Variants in SERINC2 observed in about 807,000 individuals in gnomAD.
SERINC2 encodes tumor differentially expressed protein 2.
SERINC2 carries 56 observed loss-of-function variants against 54.2 expected under a neutral mutation model. That is an observed-to-expected ratio of 1.03 (90% CI 0.83 to 1.29). The LOEUF is 1.29. Among genes scored for constraint, SERINC2 ranks in the 50% most tolerant of loss-of-function variants. The pLI is 0.00. For synonymous variants in SERINC2, 272 were observed against 253.1 expected (o/e 1.07, Z -0.71); for missense variants, 614 against 607.4 (o/e 1.01, Z -0.12).
Position 31,425,886 on chromosome 1 carries a change from G to C in SERINC2, c.583G>C (p.Glu195Gln). ...CCAGCGGTGGCTGGGCAAGGCCGAG[G>C]AGTGCGATTCCCGTGCCTGGTACGC... is the stretch of plus-strand genomic sequence containing the variant. ...WNQRWLGKAE[E>Q]CDSRAWYAGL... is the part of the protein sequence containing the mutation. Residue 195 changes from glutamate (E) to glutamine (Q), a missense_variant, in exon 5 of 10, where the codon GAG becomes CAG. Glu to Gln is a conservative substitution (Grantham distance 29). Coordinates refer to ENST00000373709, the MANE Select transcript of SERINC2 (RefSeq NM_178865.5). 1 of 1,612,776 alleles carries C rather than the reference G, an allele frequency of 6.2e-7. No individual in the cohort carries two copies. Among genetic ancestry groups the C allele is most frequent in the Non-Finnish European group, 8.5e-7 (1 of 1,179,874 alleles).
At chr1:31,410,135 A>AACCC (rs1226021250), upstream of SERINC2, 12 of 1,415,486 alleles carry the variant, frequency 8.5e-6, no homozygotes, top group Non-Finnish European at 1.1e-5. Flanking sequence ...CCTGAATTCC[A>AACCC]ACCCTCCAGT....
Position 31,434,118 on chromosome 1 carries a change from C to T in SERINC2, c.1287C>T (p.Ile429=). 1 of 1,614,034 alleles carries T rather than the reference C, an allele frequency of 6.2e-7. No homozygotes were observed. Among genetic ancestry groups the T allele is most frequent in the Non-Finnish European group, 8.5e-7 (1 of 1,179,980 alleles). Residue 429 remains isoleucine (I), a synonymous_variant, in exon 10 of 10, where the codon ATC becomes ATT. Transcript: ENST00000373709. ...CGTGGACCGCCGTGTGGGTGAAGAT[C>T]TGTGCCAGCTGGGCAGGGCTGCTCC... ...ISTWTAVWVK[I]CASWAGLLLY...
chr1:31,414,131 G>A, intron 1 of SERINC2: 1 of 1,426,922 alleles, frequency 7.0e-7, no homozygotes, highest in Middle Eastern at 2.0e-4. Flanking sequence ...GGGAGGTTCG[G>A]GTGTGCGCGG....
chr1:31,430,498 TAA>T (rs542301970), intron 8 of SERINC2, among the ~76,000 whole-genome samples: 2 of 134,964 alleles, frequency 1.5e-5, no homozygotes, highest in Non-Finnish European at 3.2e-5. Flanking sequence ...ATGGTGTCTC[TAA>T]AAAAAAAAAA....
intron 1 of SERINC2, chr1:31,414,109 A>G (rs1553131871): frequency 6.9e-7 from 1 of 1,444,026 alleles, no homozygotes; most frequent in African/African-American, 1.5e-5. Context: ...GGGTTGGGAG[A>G]GCAGGAATCG....
chr1:31,433,904 G>A (rs560132653), intron 9 of SERINC2, among the ~76,000 whole-genome samples, 160 bp from the exon 10 acceptor site: 11 of 152,248 alleles, frequency 7.2e-5, no homozygotes, highest in Middle Eastern at 3.4e-3. Flanking sequence ...CTATGTCCAC[G>A]GTCACAAGGC....
At chr1:31,431,810 TGGACAGGGTGGA>T (rs1557499877) in intron 8 of SERINC2, among the ~76,000 whole-genome samples, 32 of 145,142 alleles carry the variant, frequency 2.2e-4, no homozygotes, top group African/African-American at 5.3e-4. Context: ...GTGGACAGGG[TGGACAGGGTGGA>T]TAGGGTGGAT....
chr1:31,431,525 C>G (rs1385884425), intron 8 of SERINC2, among the ~76,000 whole-genome samples: 1 of 152,174 alleles, frequency 6.6e-6, no homozygotes, highest in African/African-American at 2.4e-5. Context: ...TTCCCTGCCC[C>G]TGGTTCTCTG....
intron 8 of SERINC2, among the ~76,000 whole-genome samples, chr1:31,431,821 G>GTT (rs1641228616): frequency 1.5e-5 from 2 of 131,374 alleles, no homozygotes; most frequent in South Asian, 2.4e-4. Context: ...GGACAGGGTG[G>GTT]ATAGGGTGGA....
At chr1:31,425,086 GAC>G (rs1553133346) in intron 3 of SERINC2, among the ~76,000 whole-genome samples, 2 of 152,224 alleles carry the variant, frequency 1.3e-5, no homozygotes, top group African/African-American at 4.8e-5. Context: ...GCACTTCAGT[GAC>G]ACAGCTGGGG....
At position 31,434,101 on chromosome 1, in the gene SERINC2, G is replaced by A. The variant is rs151124028; in HGVS notation, c.1270G>A (p.Ala424Thr). 4.5e-5 allele frequency: 72 copies of A among 1,614,016 alleles called. No individual in the cohort carries two copies. In the Middle Eastern group the frequency reaches 8.2e-4, roughly 18 times the overall value. ...ETRKMISTWT[A>T]VWVKICASWA... ...CCGGAAGATGATCAGCACGTGGACC[G>A]CCGTGTGGGTGAAGATCTGTGCCAG... Residue 424 changes from alanine (A) to threonine (T), a missense_variant, in exon 10 of 10, where the codon GCC becomes ACC. Transcript: ENST00000373709.
Position 31,429,443 on chromosome 1 carries a change from A to G in SERINC2, c.918A>G (p.Thr306=), listed in dbSNP as rs1641134542. The change falls in exon 8 of 10, where the codon ACA becomes ACG. Residue 306 remains threonine (T), a synonymous_variant. Transcript: ENST00000373709. ...PHLPTQLGNE[T]VVAGPEGYET... ...TGCCAACCCAGCTGGGCAACGAGACAGTTGTGGCAGGCCCCGAGGGCTATG... is the reference window on the plus strand; with the variant it reads ...TGCCAACCCAGCTGGGCAACGAGACGGTTGTGGCAGGCCCCGAGGGCTATG... The G allele has an allele frequency of 6.2e-7, 1 of 1,613,938 alleles. No homozygotes were observed. The highest frequency in any genetic ancestry group is 1.3e-5 in the African/African-American group (1 of 75,062).
rs782355982 is a variant in SERINC2 at position 31,425,352 on chromosome 1, A to G, written c.415A>G (p.Ile139Val). 3.8e-5 allele frequency: 62 copies of G among 1,612,928 alleles called. No individual in the cohort carries two copies. The highest frequency in any genetic ancestry group is 5.1e-5 in the Non-Finnish European group (60 of 1,179,118). ...QNGFWFFKFL[I>V]LVGLTVGAFY... Reference sequence around the variant, plus strand: ...TAGGTTTTGGTTCTTTAAGTTCCTGATCCTGGTGGGCCTCACCGTGGGTGC... The same window carrying G: ...TAGGTTTTGGTTCTTTAAGTTCCTGGTCCTGGTGGGCCTCACCGTGGGTGC... Residue 139 changes from isoleucine (I) to valine (V), a missense_variant, in exon 4 of 10, where the codon ATC (isoleucine) becomes GTC (valine). Coordinates refer to ENST00000373709, the MANE Select transcript of SERINC2 (RefSeq NM_178865.5).
chr1:31,410,460 C>T (rs1183040747), upstream of SERINC2: 12 of 1,549,638 alleles, frequency 7.7e-6, no homozygotes, highest in Middle Eastern at 1.8e-4. Flanking sequence ...CCATGCTGGG[C>T]GTGTGAGAGC....
chr1:31,434,037 G>A (rs1553135294), intron 9 of SERINC2, 27 bp from the exon 10 acceptor site: 1 of 1,611,230 alleles, frequency 6.2e-7, no homozygotes, highest in South Asian at 1.1e-5. Context: ...TGGGCACCAG[G>A]CTCATGGGGA....
In SERINC2 at chr1:31,429,498, G is replaced by A; in HGVS notation, c.973G>A (p.Val325Met). 6.2e-7 allele frequency: 1 copy of A among 1,613,582 alleles called. No homozygotes were observed. The highest frequency in any genetic ancestry group is 1.1e-5 in the South Asian group (1 of 90,974). ...ETQWWDAPSI[V>M]GLIIFLLCTL... ...CCAGTGGTGGGATGCCCCGAGCATT[G>A]TGGGCCTCATCATCTTCCTCCTGTG... is the stretch of plus-strand genomic sequence containing the variant. Residue 325 changes from valine (V) to methionine (M), a missense_variant, in exon 8 of 10, where the codon GTG becomes ATG. Coordinates refer to ENST00000373709, the MANE Select transcript of SERINC2 (RefSeq NM_178865.5).
intron 7 of SERINC2, 143 bp downstream of exon 7, chr1:31,429,211 G>A: frequency 1.0e-6 from 1 of 995,472 alleles, no homozygotes; most frequent in Non-Finnish European, 1.5e-6. Context: ...TGAGATGGGA[G>A]GGCCCCGTCT....
intron 8 of SERINC2, among the ~76,000 whole-genome samples, chr1:31,431,822 A>G (rs371084613): frequency 8.9e-6 from 1 of 112,440 alleles, no homozygotes; most frequent in African/African-American, 3.6e-5. Flanking sequence ...GACAGGGTGG[A>G]TAGGGTGGAT....
Position 31,415,501 on chromosome 1 carries a change from C to G in SERINC2, c.39+2197C>G, listed in dbSNP as rs112734924. ...CTATCCCAACACTCGCAGCGTGGAG[C>G]TGTCCAGGAGTGGCCTAGGCCCCAT... is the stretch of plus-strand genomic sequence containing the variant. On this transcript the variant is annotated intron_variant, in intron 1 of 9. Coordinates refer to ENST00000373709, the MANE Select transcript of SERINC2 (RefSeq NM_178865.5). 4.1e-3 allele frequency among the ~76,000 whole-genome samples: 631 copies of G among 152,352 alleles called. 5 individuals are homozygous for G. Among genetic ancestry groups the G allele is most frequent in the Middle Eastern group, 6.8e-3 (2 of 294 alleles).
Sources: gnomAD v4.1 joint callset for allele counts (sites outside exome capture counted in the v4.1 genomes callset) on GRCh38, gnomAD v4.1.1 for gene constraint, MANE v1.5 for transcripts, NCBI Gene and HGNC (gene_info 2026-07-23, HGNC 2026-07-21) for gene names.